TMEM132D: variants seen among roughly 807,000 people sequenced by gnomAD.
The protein encoded by TMEM132D is transmembrane protein 132D.
TMEM132D carries 21 observed loss-of-function variants against 62.3 expected under a neutral mutation model. That is an observed-to-expected ratio of 0.34 (90% CI 0.24 to 0.49). TMEM132D has a LOEUF of 0.49. Ranked by LOEUF, TMEM132D falls within the 20% of genes least tolerant of loss-of-function variation. TMEM132D has a pLI of 0.99. For synonymous variants in TMEM132D, 621 were observed against 575.6 expected, an observed-to-expected ratio of 1.08 and a Z score of -1.13; for missense variants, 1,346 against 1,402.8, an observed-to-expected ratio of 0.96 and a Z score of 0.65.
chr12:129,424,489 A>G (rs748951659), intron 3 of TMEM132D, among the ~76,000 whole-genome samples: 6 of 152,130 alleles, frequency 3.9e-5, no homozygotes, highest in Non-Finnish European at 7.4e-5. Flanking sequence ...TCATGAGGTC[A>G]GGAGATTGAG....
chr12:129,640,456 A>T (rs1033680104), intron 2 of TMEM132D, among the ~76,000 whole-genome samples: 9 of 152,116 alleles, frequency 5.9e-5, no homozygotes, highest in Admixed American at 3.3e-4. Flanking sequence ...TGTCTGCTCA[A>T]ATTCACCTTC....
At chr12:129,276,691 A>C (rs1159364909) in intron 4 of TMEM132D, among the ~76,000 whole-genome samples, 4 of 152,230 alleles carry the variant, frequency 2.6e-5, no homozygotes, top group Non-Finnish European at 5.9e-5. Flanking sequence ...TTACGCCGAT[A>C]GTTTTAAACA....
chr12:129,162,131 G>C (rs1019943487), intron 5 of TMEM132D, among the ~76,000 whole-genome samples: 1 of 152,100 alleles, frequency 6.6e-6, no homozygotes, highest in African/African-American at 2.4e-5. Flanking sequence ...TCAGAGACAG[G>C]GTCTTTAGGG....
At chr12:129,576,140 C>T (rs1247406522) in intron 2 of TMEM132D, among the ~76,000 whole-genome samples, 1 of 151,848 alleles carries the variant, frequency 6.6e-6, no homozygotes, top group Non-Finnish European at 1.5e-5. Context: ...TCGGCCCATG[C>T]GTCTTTGCAT....
At chr12:129,494,705 C>T (rs1874896224) in intron 3 of TMEM132D, among the ~76,000 whole-genome samples, 1 of 152,058 alleles carries the variant, frequency 6.6e-6, no homozygotes, top group Admixed American at 6.6e-5. Context: ...CATGATATGT[C>T]CCTCCTCCAA....
chr12:129,628,142 T>C (rs1879268566), intron 2 of TMEM132D, among the ~76,000 whole-genome samples: 1 of 146,266 alleles, frequency 6.8e-6, no homozygotes, highest in Non-Finnish European at 1.5e-5. Flanking sequence ...TGAGAGAAAA[T>C]TTCAATAAAG....
In TMEM132D at chr12:129,827,033, C is replaced by T. The variant is rs1872681349; in HGVS notation, c.79+76228G>A. On this transcript the variant is annotated intron_variant, in intron 1 of 8. Coordinates refer to ENST00000422113, the MANE Select transcript of TMEM132D (RefSeq NM_133448.3). This position sits in a 1 kb window ranked among gnomAD's most constrained non-coding sequence, Gnocchi z 9.7. ...CTAATAACTATTCTAAAAATTACAC[C>T]ATAATGAAATATGCAAAATACTAAA... 6.6e-6 allele frequency among the ~76,000 whole-genome samples: 1 copy of T among 152,082 alleles called. No individual in the cohort carries two copies. The highest frequency in any genetic ancestry group is 2.4e-5 in the African/African-American group (1 of 41,402).
At chr12:129,482,020 T>C (rs1194930078) in intron 3 of TMEM132D, among the ~76,000 whole-genome samples, 4 of 152,160 alleles carry the variant, frequency 2.6e-5, no homozygotes, top group Admixed American at 6.5e-5. Context: ...CACCATGTTG[T>C]TAGGAACACA....
intron 3 of TMEM132D, among the ~76,000 whole-genome samples, chr12:129,502,761 A>G (rs1159593986): frequency 6.6e-6 from 1 of 152,208 alleles, no homozygotes; most frequent in Non-Finnish European, 1.5e-5. Context: ...TTGGACCTAA[A>G]TATATCACTC....
chr12:129,265,703 C>T (rs1566016382), intron 4 of TMEM132D, among the ~76,000 whole-genome samples: 1 of 151,982 alleles, frequency 6.6e-6, no homozygotes, highest in Admixed American at 6.6e-5. Context: ...AGGGCTTTTG[C>T]GGTTGCTACA....
At chr12:129,454,082 T>C (rs1297632466) in intron 3 of TMEM132D, among the ~76,000 whole-genome samples, 1 of 152,236 alleles carries the variant, frequency 6.6e-6, no homozygotes, top group Non-Finnish European at 1.5e-5. Flanking sequence ...AATCTCTGTC[T>C]AGTTTGATTA....
intron 4 of TMEM132D, among the ~76,000 whole-genome samples, chr12:129,257,208 T>C (rs76857957): frequency 2.2e-3 from 263 of 121,376 alleles, no homozygotes; most frequent in Non-Finnish European, 2.6e-3. Flanking sequence ...TTCTTTCTTT[T>C]TTTTTTTTTT....
At chr12:129,343,708 T>A (rs1373000113) in intron 3 of TMEM132D, among the ~76,000 whole-genome samples, 1 of 146,580 alleles carries the variant, frequency 6.8e-6, no homozygotes, top group East Asian at 2.0e-4. Context: ...GGTCAGGAGT[T>A]CAAGACCAGC....
chr12:129,838,070 A>G (rs553296653), intron 1 of TMEM132D, among the ~76,000 whole-genome samples: 2 of 152,330 alleles, frequency 1.3e-5, no homozygotes, highest in Non-Finnish European at 2.9e-5. Flanking sequence ...TCATGCACCA[A>G]TAAAATTTGA....
chr12:129,658,282 G>T (rs1017084985), intron 2 of TMEM132D, among the ~76,000 whole-genome samples: 9 of 152,164 alleles, frequency 5.9e-5, no homozygotes, highest in African/African-American at 2.2e-4. Context: ...AAATAACTTA[G>T]ATAAAGTAAC....
intron 1 of TMEM132D, among the ~76,000 whole-genome samples, chr12:129,891,341 C>T (rs1251200071): frequency 6.6e-6 from 1 of 152,160 alleles, no homozygotes; most frequent in Non-Finnish European, 1.5e-5. Flanking sequence ...GGCAAAGGAC[C>T]ACACTTTGAC....
chr12:129,344,550 A>G (rs1394923964), intron 3 of TMEM132D, among the ~76,000 whole-genome samples: 1 of 152,102 alleles, frequency 6.6e-6, no homozygotes, highest in Non-Finnish European at 1.5e-5. Context: ...TGCTTGACCA[A>G]CCTTGGCTTA....
In TMEM132D at chr12:129,141,839, G is replaced by C. The variant is rs556930223; in HGVS notation, c.1444-57137C>G. Among the ~76,000 whole-genome samples, 270 of 151,598 alleles carry C rather than the reference G, an allele frequency of 1.8e-3. 2 individuals carry two copies. The highest frequency in any genetic ancestry group is 5.8e-3 in the African/African-American group (241 of 41,284). On this transcript the variant is annotated intron_variant, in intron 5 of 8. Transcript: ENST00000422113. ...TACTATGCTCAGTACCTGGGTGATG[G>C]GATCATTCGTACCCTAAACCTCAGT... is the stretch of plus-strand genomic sequence containing the variant.
At chr12:129,610,728 A>G (rs1233347323) in intron 2 of TMEM132D, among the ~76,000 whole-genome samples, 1 of 150,392 alleles carries the variant, frequency 6.6e-6, no homozygotes, top group Non-Finnish European at 1.5e-5. Context: ...TAAGTAATTG[A>G]TGATGTTAAC....
Sources: gnomAD v4.1 joint callset for allele counts (sites outside exome capture counted in the v4.1 genomes callset) on GRCh38, gnomAD v4.1.1 for gene constraint, Gnocchi (gnomAD v3.1) non-coding constraint, MANE v1.5 for transcripts, NCBI Gene and HGNC (gene_info 2026-07-23, HGNC 2026-07-21) for gene names.